CUBN: variants seen among roughly 807,000 people sequenced by gnomAD.
CUBN encodes cubilin.
A neutral mutation model predicts 405.3 loss-of-function variants in CUBN; 282 were observed. The observed-to-expected ratio is 0.70, with a 90% CI of 0.63 to 0.77. CUBN has a LOEUF of 0.77. Among genes scored for constraint, CUBN ranks in the 30% least tolerant of loss-of-function variants. The pLI, the probability that CUBN is intolerant of heterozygous loss-of-function variation, is 0.00. For synonymous variants in CUBN, 1,684 were observed against 1,617.0 expected (o/e 1.04, Z -0.99); for missense variants, 4,514 against 4,475.2 (o/e 1.01, Z -0.25).
At chr10:17,049,939 A>C (rs922408532) in intron 22 of CUBN, among the ~76,000 whole-genome samples, 2 of 152,172 alleles carry the variant, frequency 1.3e-5, no homozygotes, top group Non-Finnish European at 2.9e-5. Flanking sequence ...GACTTTATTA[A>C]CCATTATTTA....
chr10:17,083,640 G>C (rs973509671), intron 17 of CUBN, among the ~76,000 whole-genome samples: 1 of 152,090 alleles, frequency 6.6e-6, no homozygotes, highest in African/African-American at 2.4e-5. Flanking sequence ...AGAAAGAAGA[G>C]GACAGGAGGT....
intron 17 of CUBN, among the ~76,000 whole-genome samples, chr10:17,083,516 A>AATAAATAAATAAATAAATACATAC (rs59957943): frequency 2.8e-5 from 4 of 142,626 alleles, no homozygotes; most frequent in Admixed American, 7.2e-5. Flanking sequence ...AAAATAAATA[A>AATAAATAAATAAATAAATACATAC]ATACATACAT....
At chr10:17,007,379 T>C (rs1834056312) in intron 28 of CUBN, among the ~76,000 whole-genome samples, 1 of 152,190 alleles carries the variant, frequency 6.6e-6, no homozygotes, top group African/African-American at 2.4e-5. Context: ...TGCATGGCCA[T>C]GTTCAGAAAG....
chr10:16,867,220 C>T (rs1419361634), intron 59 of CUBN, among the ~76,000 whole-genome samples: 2 of 151,976 alleles, frequency 1.3e-5, no homozygotes, highest in Non-Finnish European at 2.9e-5. Context: ...ATCTGGTCCA[C>T]AAAGTTGATT....
chr10:16,931,641 G>T (rs974119364), intron 40 of CUBN, among the ~76,000 whole-genome samples: 2 of 152,088 alleles, frequency 1.3e-5, no homozygotes, highest in African/African-American at 4.8e-5. Context: ...TTGTACTTTT[G>T]CTAAAAAGAT....
chr10:16,974,515 C>T (rs1182514207), intron 31 of CUBN, among the ~76,000 whole-genome samples: 1 of 148,294 alleles, frequency 6.7e-6, no homozygotes, highest in African/African-American at 2.5e-5. Flanking sequence ...GCTCTGCCTC[C>T]CGAGTTCCCG....
At chr10:17,008,024 A>G (rs1386051509) in intron 28 of CUBN, among the ~76,000 whole-genome samples, 1 of 151,916 alleles carries the variant, frequency 6.6e-6, no homozygotes, top group Admixed American at 6.6e-5. Context: ...GAAGTGGTGC[A>G]CCCCTGTAGT....
chr10:16,826,621 A>G (rs949695191), intron 66 of CUBN, among the ~76,000 whole-genome samples: 2 of 152,240 alleles, frequency 1.3e-5, no homozygotes, highest in Non-Finnish European at 2.9e-5. Context: ...CATTTATAAA[A>G]AAATGTAAAA....
intron 34 of CUBN, among the ~76,000 whole-genome samples, chr10:16,949,461 GTGTAGTGTGTGTGTGT>G (rs1842870189): frequency 1.5e-5 from 1 of 64,600 alleles, no homozygotes; most frequent in Non-Finnish European, 5.1e-5. Flanking sequence ...GTGTGTGTGT[GTGTAGTGTGTGTGTGT>G]TTGTTTGTTT....
At chr10:16,990,243 A>C in intron 29 of CUBN, 91 bp downstream of exon 29, 1 of 1,167,598 alleles carries the variant, frequency 8.6e-7, no homozygotes, top group Non-Finnish European at 1.3e-6. Flanking sequence ...AACACTGCTG[A>C]CTACTGGAAA....
intron 60 of CUBN, among the ~76,000 whole-genome samples, chr10:16,842,921 C>T (rs144949918): frequency 6.6e-6 from 1 of 152,198 alleles, no homozygotes; most frequent in Admixed American, 6.5e-5. Flanking sequence ...GAAGCTGAAC[C>T]CACACAGCTA....
chr10:17,114,618 T>C (rs1262792483), intron 7 of CUBN, among the ~76,000 whole-genome samples: 1 of 152,212 alleles, frequency 6.6e-6, no homozygotes, highest in African/African-American at 2.4e-5. Context: ...TGGACGGGAA[T>C]TATTTTCCAT....
chr10:17,120,741 AG>A (rs1227371221), intron 6 of CUBN, among the ~76,000 whole-genome samples: 5 of 152,230 alleles, frequency 3.3e-5, no homozygotes, highest in Non-Finnish European at 1.5e-5. Context: ...TGCAGGGGGA[AG>A]AAATAACGTG....
intron 48 of CUBN, among the ~76,000 whole-genome samples, chr10:16,913,105 CAAAA>C (rs1841778630): frequency 6.6e-6 from 1 of 152,046 alleles, no homozygotes; most frequent in Non-Finnish European, 1.5e-5. Flanking sequence ...GGAAGGATTC[CAAAA>C]TAGACATCAA....
intron 27 of CUBN, among the ~76,000 whole-genome samples, chr10:17,037,967 C>T (rs1307592623): frequency 6.8e-6 from 1 of 146,418 alleles, no homozygotes; most frequent in African/African-American, 2.5e-5. Flanking sequence ...TAGACAGGGT[C>T]TCACTTCGTC....
At chr10:16,841,077 C>T (rs751202387) in intron 60 of CUBN, 30 bp from the exon 61 acceptor site, 6 of 1,607,374 alleles carry the variant, frequency 3.7e-6, no homozygotes, top group Admixed American at 3.3e-5. Flanking sequence ...ATTACTTCTC[C>T]ATTACTTACA....
intron 35 of CUBN, 64 bp downstream of exon 35, chr10:16,948,414 A>G: frequency 6.2e-7 from 1 of 1,609,796 alleles, no homozygotes; most frequent in Non-Finnish European, 8.5e-7. Flanking sequence ...AGTCCCCAAT[A>G]ACAAACCAAG....
rs41289307 is a variant in CUBN, at chr10:16,940,018, T to C, written c.5548+14A>G. ...CATATTCTGGAAGCTATCACTAAAATAGAAACAACTTACTCTTCATAAATG... is the reference window on the plus strand; with the variant it reads ...CATATTCTGGAAGCTATCACTAAAACAGAAACAACTTACTCTTCATAAATG... On this transcript the variant is annotated intron_variant, in intron 37 of 66. Coordinates refer to ENST00000377833, the MANE Select transcript of CUBN (RefSeq NM_001081.4). 1.6e-5 allele frequency: 25 copies of C among 1,606,778 alleles called. No individual in the cohort carries two copies. Among genetic ancestry groups the C allele is most frequent in the African/African-American group, 2.7e-5 (2 of 74,740 alleles).
chr10:16,964,870 C>G (rs1843342659), intron 31 of CUBN, among the ~76,000 whole-genome samples: 1 of 152,226 alleles, frequency 6.6e-6, no homozygotes, highest in Non-Finnish European at 1.5e-5. Flanking sequence ...CCAGTCCTCT[C>G]CCCTAAGCCC....
Sources: gnomAD v4.1 joint callset for allele counts (sites outside exome capture counted in the v4.1 genomes callset) on GRCh38, gnomAD v4.1.1 for gene constraint, MANE v1.5 for transcripts, NCBI Gene and HGNC (gene_info 2026-07-23, HGNC 2026-07-21) for gene names.